Variants in SYN3 observed in about 807,000 individuals in gnomAD.
SYN3 encodes synapsin III.
Under a neutral mutation model 65.8 loss-of-function variants are expected in SYN3, and 35 were observed. The observed-to-expected ratio is 0.53, with a 90% CI of 0.41 to 0.70. SYN3 has a LOEUF of 0.70. Ranked by LOEUF, SYN3 falls within the 30% of genes least tolerant of loss-of-function variation. The pLI, the probability that SYN3 is intolerant of heterozygous loss-of-function variation, is 0.00. For missense variants in SYN3, 680 were observed against 749.0 expected (o/e 0.91, Z 1.08); for synonymous variants, 270 against 292.9 (o/e 0.92, Z 0.80).
chr22:32,719,553 C>G (rs1032712421), intron 6 of SYN3, among the ~76,000 whole-genome samples: 1 of 152,198 alleles, frequency 6.6e-6, no homozygotes, highest in Non-Finnish European at 1.5e-5. Flanking sequence ...CACTCTAACA[C>G]TTACTGAGGC....
intron 2 of SYN3, among the ~76,000 whole-genome samples, chr22:32,992,899 T>A (rs962332533): frequency 6.6e-6 from 1 of 152,198 alleles, no homozygotes; most frequent in Non-Finnish European, 1.5e-5. Flanking sequence ...AACATCTCCG[T>A]GTGGCCTGTC....
intron 3 of SYN3, among the ~76,000 whole-genome samples, chr22:32,948,606 G>C (rs1012817910): frequency 6.6e-6 from 1 of 152,008 alleles, no homozygotes; most frequent in Non-Finnish European, 1.5e-5. Context: ...GCGTGGTGGC[G>C]GGTGCCTGTA....
At position 32,511,533 on chromosome 22, in the gene SYN3, TCCAGACATG is replaced by T. The variant is rs764220085; in HGVS notation, c.*2150_*2158del. Among the ~76,000 whole-genome samples the T allele has an allele frequency of 7.9e-5, 12 of 152,302 alleles. No individual in the cohort carries two copies. The East Asian group carries it at 2.3e-3, about 29-fold the overall frequency. Reference sequence around the variant, plus strand: ...AGATGTGTTACTGGGCAGAGTGAGCTCCAGACATGCCAGACATGCAGGGACTGTCCTATA... The same window carrying T: ...AGATGTGTTACTGGGCAGAGTGAGCTCCAGACATGCAGGGACTGTCCTATA... On this transcript the variant is annotated 3_prime_UTR_variant, in exon 14 of 14. Transcript: ENST00000358763.
intron 4 of SYN3, among the ~76,000 whole-genome samples, chr22:32,876,770 A>C (rs2146390999): frequency 6.6e-6 from 1 of 152,330 alleles, no homozygotes; most frequent in Non-Finnish European, 1.5e-5. Context: ...TTTATGACTA[A>C]AGCACTGTAA....
At chr22:32,612,427 C>T (rs2146693477) in intron 6 of SYN3, among the ~76,000 whole-genome samples, 1 of 152,282 alleles carries the variant, frequency 6.6e-6, no homozygotes. Context: ...TTGCAGGACA[C>T]TCAGTTGGTA....
At chr22:32,532,048 A>C (rs1253762148) in intron 10 of SYN3, among the ~76,000 whole-genome samples, 2 of 152,048 alleles carry the variant, frequency 1.3e-5, no homozygotes, top group Admixed American at 6.6e-5. Flanking sequence ...GTAGGGGCTC[A>C]CAGGGGACAG....
At chr22:33,036,663 T>C (rs900198220) in intron 1 of SYN3, among the ~76,000 whole-genome samples, 2 of 150,654 alleles carry the variant, frequency 1.3e-5, no homozygotes, top group African/African-American at 2.4e-5. Flanking sequence ...TTTTAAATGC[T>C]GTAAAGCCCA....
At chr22:33,023,491 TAC>T (rs1324972435) in intron 1 of SYN3, among the ~76,000 whole-genome samples, 2 of 152,158 alleles carry the variant, frequency 1.3e-5, no homozygotes, top group African/African-American at 4.8e-5. Flanking sequence ...CTTTATAAAT[TAC>T]ACAGTTTCAA....
intron 3 of SYN3, among the ~76,000 whole-genome samples, chr22:32,936,756 CT>C (rs1247016133): frequency 6.6e-6 from 1 of 152,210 alleles, no homozygotes; most frequent in Non-Finnish European, 1.5e-5. Flanking sequence ...TGCTCTGGAT[CT>C]AGGACGACCA....
At chr22:32,655,612 C>A (rs909723065) in intron 6 of SYN3, among the ~76,000 whole-genome samples, 1 of 152,240 alleles carries the variant, frequency 6.6e-6, no homozygotes, top group East Asian at 1.9e-4. Flanking sequence ...CTATTGTGAA[C>A]CATGCATGCA....
At chr22:33,015,242 A>AAAAAAAAAAAAAAAAT (rs56343315) in intron 1 of SYN3, 2 of 216,210 alleles carry the variant, frequency 9.3e-6, no homozygotes, top group African/African-American at 3.3e-5. Flanking sequence ...AAAAAAAAAA[A>AAAAAAAAAAAAAAAAT]CTACTGTATC....
chr22:32,638,061 A>G (rs905419077), intron 6 of SYN3, among the ~76,000 whole-genome samples: 1 of 152,206 alleles, frequency 6.6e-6, no homozygotes, highest in African/African-American at 2.4e-5. Flanking sequence ...AAGTGAGAAC[A>G]TGCATTGTTT....
At chr22:33,022,292 T>C (rs1418237471) in intron 1 of SYN3, among the ~76,000 whole-genome samples, 1 of 152,256 alleles carries the variant, frequency 6.6e-6, no homozygotes, top group Non-Finnish European at 1.5e-5. Context: ...TTTAGCAATG[T>C]ATTAATGAGC....
chr22:32,604,875 G>A (rs776967360), intron 6 of SYN3, among the ~76,000 whole-genome samples: 12 of 151,810 alleles, frequency 7.9e-5, no homozygotes, highest in Non-Finnish European at 1.5e-4. Context: ...GCGTGGTGGC[G>A]GGTGCCTGTA....
chr22:32,727,086 T>A (rs2061205603), intron 6 of SYN3, among the ~76,000 whole-genome samples: 1 of 152,050 alleles, frequency 6.6e-6, no homozygotes, highest in Non-Finnish European at 1.5e-5. Flanking sequence ...TCCCATCACC[T>A]AGGTATTAAG....
chr22:32,912,150 G>T lies in SYN3; in HGVS notation c.461+19240C>A, dbSNP rs149792007. ...TTAATACATGGGAGCTATACATATA[G>T]TTCCTCCACTGACTCAGTAAAGACT... On this transcript the variant is annotated intron_variant, in intron 4 of 13. Transcript: ENST00000358763. 1.6e-4 allele frequency among the ~76,000 whole-genome samples: 25 copies of T among 152,320 alleles called. No individual in the cohort carries two copies. The East Asian group carries it at 4.6e-3, about 28-fold the overall frequency.
intron 7 of SYN3, among the ~76,000 whole-genome samples, chr22:32,576,944 T>G (rs1016338307): frequency 2.0e-5 from 3 of 151,630 alleles, no homozygotes; most frequent in Non-Finnish European, 4.4e-5. Context: ...TATTCTAGAG[T>G]GTAGCATGAA....
Position 32,558,975 on chromosome 22 carries a change from T to C in SYN3, c.775-17262A>G, listed in dbSNP as rs550358538. ...TGTGAATAAATAATGATGACAGTGA[T>C]TGTAATAACAAAAATGATGGACAGT... On this transcript the variant is annotated intron_variant, in intron 7 of 13. Transcript: ENST00000358763. Among the ~76,000 whole-genome samples, 10 of 152,330 alleles carry C rather than the reference T, an allele frequency of 6.6e-5. No individual in the cohort carries two copies. In the East Asian group the frequency reaches 1.7e-3, roughly 26 times the overall value.
intron 12 of SYN3, 126 bp downstream of exon 12, chr22:32,527,792 A>T: frequency 1.3e-6 from 1 of 770,692 alleles, no homozygotes; most frequent in Non-Finnish European, 2.1e-6. Context: ...AGTCTCATTC[A>T]TTCTGTGGAT....
Sources: allele counts gnomAD v4.1 joint callset (sites outside exome capture counted in the v4.1 genomes callset), GRCh38; gene constraint gnomAD v4.1.1; transcripts MANE v1.5; gene names NCBI Gene and HGNC (gene_info 2026-07-23, HGNC 2026-07-21).